OPCML: variants seen among roughly 807,000 people sequenced by gnomAD.
OPCML encodes the protein opioid-binding protein/cell adhesion molecule.
In OPCML, 13 loss-of-function variants were observed where a neutral mutation model predicts 37.8. That is an observed-to-expected ratio of 0.34 (90% CI 0.22 to 0.55). OPCML has a LOEUF of 0.55. Among genes scored for constraint, OPCML ranks in the 20% least tolerant of loss-of-function variants. The probability of loss-of-function intolerance (pLI) is 0.91; values close to 1 mark genes in which losing one functional copy is unlikely to be tolerated. For synonymous variants in OPCML, 176 were observed against 168.8 expected (o/e 1.04, Z -0.33); for missense variants, 341 against 435.6 (o/e 0.78, Z 1.93).
intron 2 of OPCML, among the ~76,000 whole-genome samples, chr11:132,749,316 G>T (rs551382707): frequency 1.7e-4 from 26 of 152,148 alleles, no homozygotes; most frequent in Non-Finnish European, 3.5e-4. Context: ...ACTATGACAG[G>T]CTGTAAGATA....
At chr11:133,451,677 T>C (rs955245924) in intron 1 of OPCML, among the ~76,000 whole-genome samples, 2 of 147,382 alleles carry the variant, frequency 1.4e-5, no homozygotes, top group Non-Finnish European at 2.9e-5. Flanking sequence ...ACCCTGTCTC[T>C]ACTAAAAATA....
At chr11:133,263,612 A>T (rs1220514865) in intron 1 of OPCML, among the ~76,000 whole-genome samples, 1 of 152,156 alleles carries the variant, frequency 6.6e-6, no homozygotes, top group Non-Finnish European at 1.5e-5. Context: ...AGCAGTGTGT[A>T]ACTGTAGTTA....
chr11:133,414,496 TA>T (rs1421630884), intron 1 of OPCML, among the ~76,000 whole-genome samples: 1 of 152,186 alleles, frequency 6.6e-6, no homozygotes, highest in Non-Finnish European at 1.5e-5. Flanking sequence ...TGTTGTCAGC[TA>T]TAGACATAAA....
chr11:133,170,985 T>C (rs1038512564), intron 1 of OPCML, among the ~76,000 whole-genome samples: 3 of 152,220 alleles, frequency 2.0e-5, no homozygotes, highest in Non-Finnish European at 2.9e-5. Flanking sequence ...CTCTCCTCTA[T>C]AAGACAGGAT....
rs993629998 is a variant in OPCML, at chr11:133,375,582, G to A, written c.61+156682C>T. On this transcript the variant is annotated intron_variant, in intron 1 of 7. Coordinates refer to ENST00000524381, the MANE Select transcript of OPCML (RefSeq NM_001012393.5). Reference sequence around the variant, plus strand: ...TGGGATCATGCCCTGATGTGATCTCGTTGTATAGCCTGGCTAGGGGCACTG... The same window carrying A: ...TGGGATCATGCCCTGATGTGATCTCATTGTATAGCCTGGCTAGGGGCACTG... Among the ~76,000 whole-genome samples, 10 of 152,234 alleles carry A rather than the reference G, an allele frequency of 6.6e-5. No individual in the cohort carries two copies. The East Asian group carries it at 7.7e-4, about 12-fold the overall frequency.
chr11:133,501,190 G>C (rs556165280), intron 1 of OPCML, among the ~76,000 whole-genome samples: 1 of 152,250 alleles, frequency 6.6e-6, no homozygotes, highest in East Asian at 1.9e-4. Flanking sequence ...ACAAGCGCCA[G>C]ATTCACCCGT....
intron 4 of OPCML, among the ~76,000 whole-genome samples, chr11:132,438,985 T>A (rs2096022663): frequency 6.6e-6 from 1 of 152,150 alleles, no homozygotes. Flanking sequence ...GGATACTGGC[T>A]ACCAATCATC....
chr11:133,449,740 A>G (rs1946542549), intron 1 of OPCML, among the ~76,000 whole-genome samples: 1 of 151,664 alleles, frequency 6.6e-6, no homozygotes, highest in Admixed American at 6.6e-5. Flanking sequence ...TGTAAATCCT[A>G]GATGATTTTA....
At chr11:133,322,304 G>C (rs1369338473) in intron 1 of OPCML, among the ~76,000 whole-genome samples, 1 of 152,194 alleles carries the variant, frequency 6.6e-6, no homozygotes, top group Non-Finnish European at 1.5e-5. Context: ...CTCAGTGTGA[G>C]ATTAAAAACA....
At chr11:132,875,885 C>G (rs1942991491) in intron 2 of OPCML, among the ~76,000 whole-genome samples, 1 of 152,174 alleles carries the variant, frequency 6.6e-6, no homozygotes, top group African/African-American at 2.4e-5. Flanking sequence ...GTTAGACTTT[C>G]AAGCATCAAC....
At chr11:133,008,422 A>AT (rs968664815) in intron 1 of OPCML, 10 of 984,988 alleles carry the variant, frequency 1.0e-5, no homozygotes, top group East Asian at 2.3e-4. Context: ...TCCTTTTCTG[A>AT]TTTTTTTCTT....
chr11:133,260,899 G>T (rs543048902), intron 1 of OPCML, among the ~76,000 whole-genome samples: 15 of 151,886 alleles, frequency 9.9e-5, no homozygotes, highest in African/African-American at 3.6e-4. Context: ...AATAGACTAA[G>T]AAGAAAAGAA....
At chr11:133,436,957 C>T (rs1399483964) in intron 1 of OPCML, among the ~76,000 whole-genome samples, 1 of 152,068 alleles carries the variant, frequency 6.6e-6, no homozygotes, top group Admixed American at 6.5e-5. Flanking sequence ...GGTAATGTGC[C>T]GACGTCATAA....
chr11:133,471,243 A>G (rs1947105908), intron 1 of OPCML, among the ~76,000 whole-genome samples: 1 of 152,236 alleles, frequency 6.6e-6, no homozygotes, highest in African/African-American at 2.4e-5. Flanking sequence ...CTGAAGTCAG[A>G]ACTTGAAAGG....
At chr11:132,501,591 G>A (rs931686740) in intron 4 of OPCML, among the ~76,000 whole-genome samples, 1 of 152,164 alleles carries the variant, frequency 6.6e-6, no homozygotes, top group African/African-American at 2.4e-5. Context: ...CATGCCAAGA[G>A]GCATGGTTGT....
At chr11:132,634,855 G>A (rs1381621686) in intron 3 of OPCML, among the ~76,000 whole-genome samples, 1 of 151,860 alleles carries the variant, frequency 6.6e-6, no homozygotes, top group Non-Finnish European at 1.5e-5. Context: ...CACCCAACTT[G>A]TTAGGGAGGA....
rs1565599709 is a variant in OPCML, at chr11:133,373,452, C to CAA, written c.61+158811_61+158812insTT. Among the ~76,000 whole-genome samples the CAA allele has an allele frequency of 8.5e-5, 7 of 82,420 alleles. 1 individual carries two copies. Among genetic ancestry groups the CAA allele is most frequent in the African/African-American group, 2.9e-4 (7 of 24,414 alleles). The allele number at this position is 82,420 out of a possible 152,430, so 54.1% of individuals were successfully genotyped here. A position where few individuals can be genotyped will look rare whatever the true frequency, so the allele number is the denominator to read the frequency against. On this transcript the variant is annotated intron_variant, in intron 1 of 7. Transcript: ENST00000524381. ...ATATATATATATATATATATATACA[C>CAA]ACACACACACAAAAATACAAAATTT...
intron 3 of OPCML, among the ~76,000 whole-genome samples, chr11:132,642,971 C>T (rs1277128995): frequency 6.6e-6 from 1 of 152,064 alleles, no homozygotes; most frequent in African/African-American, 2.4e-5. Context: ...AAGCCCAACC[C>T]TCAGTGGCCA....
At chr11:133,105,642 G>A (rs1050120239) in intron 1 of OPCML, among the ~76,000 whole-genome samples, 9 of 152,178 alleles carry the variant, frequency 5.9e-5, no homozygotes, top group Non-Finnish European at 1.3e-4. Context: ...GGCTCAAAAA[G>A]GATTTAGAGG....
Sources: allele counts gnomAD v4.1 joint callset (sites outside exome capture counted in the v4.1 genomes callset), GRCh38; gene constraint gnomAD v4.1.1; transcripts MANE v1.5; gene names NCBI Gene and HGNC (gene_info 2026-07-23, HGNC 2026-07-21).